SBF2: variants seen among roughly 807,000 people sequenced by gnomAD.
The protein encoded by SBF2 is SET binding factor 2, also known as myotubularin-related protein 13.
A neutral mutation model predicts 225.2 loss-of-function variants in SBF2; 112 were observed. The ratio of observed to expected loss-of-function variants is 0.50; its 90% CI spans 0.43 to 0.58. The LOEUF (loss-of-function observed/expected upper bound fraction) is 0.58. SBF2 is among the 20% of genes least tolerant of loss of function. The pLI, the probability that SBF2 is intolerant of heterozygous loss-of-function variation, is 0.00. For missense variants in SBF2, 1,996 were observed against 2,206.2 expected, an observed-to-expected ratio of 0.90 and a Z score of 1.91; for synonymous variants, 763 against 773.3, an observed-to-expected ratio of 0.99 and a Z score of 0.22.
At chr11:9,843,137 T>C (rs770937992) in intron 24 of SBF2, among the ~76,000 whole-genome samples, 2 of 152,210 alleles carry the variant, frequency 1.3e-5, no homozygotes, top group African/African-American at 2.4e-5. Flanking sequence ...GCATGCTTGT[T>C]GGAGTCCTCC....
chr11:10,006,273 C>T (rs1460192508), intron 6 of SBF2, among the ~76,000 whole-genome samples: 3 of 152,188 alleles, frequency 2.0e-5, no homozygotes, highest in Non-Finnish European at 4.4e-5. Flanking sequence ...AACATGGGCT[C>T]CCTTGTGGCT....
At chr11:10,129,685 T>A (rs1055478753) in intron 2 of SBF2, among the ~76,000 whole-genome samples, 4 of 151,562 alleles carry the variant, frequency 2.6e-5, no homozygotes, top group African/African-American at 9.7e-5. Context: ...ATCTTGTGAA[T>A]ATTAATTATG....
intron 1 of SBF2, among the ~76,000 whole-genome samples, chr11:10,211,702 G>T (rs1031248230): frequency 6.6e-6 from 1 of 152,162 alleles, no homozygotes; most frequent in East Asian, 1.9e-4. Flanking sequence ...ACTAAATGAT[G>T]GCACAGAGCC....
chr11:10,237,938 C>A (rs2135453241), intron 1 of SBF2, among the ~76,000 whole-genome samples: 1 of 152,296 alleles, frequency 6.6e-6, no homozygotes, highest in Non-Finnish European at 1.5e-5. Context: ...CATTAATCCA[C>A]TGAAAGACAT....
At chr11:10,117,611 CT>C (rs1953208017) in intron 2 of SBF2, among the ~76,000 whole-genome samples, 1 of 152,012 alleles carries the variant, frequency 6.6e-6, no homozygotes, top group African/African-American at 2.4e-5. Context: ...AGTTTATGAA[CT>C]TTCAAGTGTA....
chr11:10,001,128 T>G (rs1565116391), intron 7 of SBF2, 106 bp from the exon 8 acceptor site: 1 of 678,272 alleles, frequency 1.5e-6, no homozygotes, highest in Non-Finnish European at 2.6e-6. Flanking sequence ...GTTTAGAAAT[T>G]ATCAATAATG....
At chr11:9,838,365 A>T (rs1202665241) in intron 26 of SBF2, 1 of 152,174 alleles carries the variant, frequency 6.6e-6, no homozygotes, top group African/African-American at 2.4e-5. Context: ...ATGATAAATG[A>T]GTCTGTTTTC....
At chr11:9,996,030 C>T (rs1209084180) in intron 9 of SBF2, among the ~76,000 whole-genome samples, 2 of 152,098 alleles carry the variant, frequency 1.3e-5, no homozygotes, top group African/African-American at 2.4e-5. Flanking sequence ...GTAACTATAA[C>T]AATACGTATA....
chr11:9,894,439 C>G (rs1861078613), intron 17 of SBF2, among the ~76,000 whole-genome samples: 1 of 151,944 alleles, frequency 6.6e-6, no homozygotes, highest in Non-Finnish European at 1.5e-5. Context: ...ATCACTTGAA[C>G]CTGGGAGGTG....
intron 1 of SBF2, among the ~76,000 whole-genome samples, chr11:10,232,616 T>C (rs1958905558): frequency 6.6e-6 from 1 of 150,990 alleles, no homozygotes; most frequent in South Asian, 2.1e-4. Flanking sequence ...GAGGCTGGAG[T>C]ACATTGGTGA....
At chr11:9,843,596 G>C (rs1004194194) in intron 24 of SBF2, among the ~76,000 whole-genome samples, 2 of 152,154 alleles carry the variant, frequency 1.3e-5, no homozygotes, top group Non-Finnish European at 2.9e-5. Context: ...CTATCACAAA[G>C]AACTCTTCTG....
At chr11:10,270,971 G>C (rs111329037) in intron 1 of SBF2, among the ~76,000 whole-genome samples, 1,940 of 140,380 alleles carry the variant, frequency 0.014, 34 homozygotes, top group African/African-American at 0.037. Flanking sequence ...CTCCAGCCTG[G>C]GCGACAGAGC....
At chr11:9,904,452 A>G (rs2134163791) in intron 16 of SBF2, among the ~76,000 whole-genome samples, 1 of 152,340 alleles carries the variant, frequency 6.6e-6, no homozygotes, top group East Asian at 1.9e-4. Context: ...AAAGTATACA[A>G]AGCAAAAACT....
At chr11:9,931,036 C>G (rs1009196620) in intron 16 of SBF2, among the ~76,000 whole-genome samples, 1 of 152,252 alleles carries the variant, frequency 6.6e-6, no homozygotes, top group African/African-American at 2.4e-5. Flanking sequence ...TTTGAGGTGG[C>G]AGCCTGGCTG....
chr11:9,996,027 T>C (rs1343779471), intron 9 of SBF2, among the ~76,000 whole-genome samples: 1 of 152,148 alleles, frequency 6.6e-6, no homozygotes, highest in African/African-American at 2.4e-5. Context: ...TTAGTAACTA[T>C]AACAATACGT....
chr11:10,080,518 C>A (rs746026752), intron 2 of SBF2, among the ~76,000 whole-genome samples: 29 of 150,920 alleles, frequency 1.9e-4, no homozygotes, highest in Middle Eastern at 3.4e-3. Context: ...GGCAATGTGA[C>A]AAAACCCTAC....
chr11:10,130,798 T>C (rs1053028771), intron 2 of SBF2, among the ~76,000 whole-genome samples: 1 of 152,240 alleles, frequency 6.6e-6, no homozygotes, highest in African/African-American at 2.4e-5. Context: ...AGTATGTGTC[T>C]TTTTGAGACT....
At chr11:10,151,772 G>A (rs1460473664) in intron 2 of SBF2, among the ~76,000 whole-genome samples, 1 of 152,078 alleles carries the variant, frequency 6.6e-6, no homozygotes, top group Non-Finnish European at 1.5e-5. Context: ...TTCTAGCTTT[G>A]CAGGTAATTT....
chr11:10,193,477 C>G (rs977696442), intron 2 of SBF2, among the ~76,000 whole-genome samples: 22 of 151,392 alleles, frequency 1.5e-4, no homozygotes, highest in Admixed American at 2.6e-4. Flanking sequence ...GCCTCAGCCT[C>G]CTGAGTAGCT....
Sources: gnomAD v4.1 joint callset for allele counts (sites outside exome capture counted in the v4.1 genomes callset) on GRCh38, gnomAD v4.1.1 for gene constraint, MANE v1.5 for transcripts, NCBI Gene and HGNC (gene_info 2026-07-23, HGNC 2026-07-21) for gene names.